TENM2: variants seen among roughly 807,000 people sequenced by gnomAD.
TENM2 encodes the protein teneurin-2.
In TENM2, 52 loss-of-function variants were observed where a neutral mutation model predicts 245.2. That is an observed-to-expected ratio of 0.21 (90% CI 0.17 to 0.27). The LOEUF is 0.27. TENM2 is among the 10% of genes least tolerant of loss of function. The probability of loss-of-function intolerance (pLI) is 1.00; values close to 1 mark genes in which losing one functional copy is unlikely to be tolerated. For synonymous variants in TENM2, 1,363 were observed against 1,438.9 expected (o/e 0.95, Z 1.19); for missense variants, 3,046 against 3,666.8 (o/e 0.83, Z 4.37).
chr5:167,927,094 G>T (rs1426772064), intron 3 of TENM2, among the ~76,000 whole-genome samples: 1 of 151,782 alleles, frequency 6.6e-6, no homozygotes, highest in Non-Finnish European at 1.5e-5. Flanking sequence ...GCCTGCATTT[G>T]TGTGTGTGTG....
the TENM2 span, among the ~76,000 whole-genome samples, chr5:166,982,022 A>C: frequency 2.0e-4 from 31 of 152,244 alleles, no homozygotes; most frequent in African/African-American, 7.2e-4. Context: ...AGCTTCTTTT[A>C]ACTTTTTGTG....
chr5:167,036,237 C>T, the TENM2 span, among the ~76,000 whole-genome samples: 2 of 152,086 alleles, frequency 1.3e-5, no homozygotes, highest in Non-Finnish European at 2.9e-5. Flanking sequence ...TGCCAGGGCC[C>T]TGAGACGGGG....
intron 1 of TENM2, among the ~76,000 whole-genome samples, chr5:167,314,459 C>T (rs191867036): frequency 5.9e-5 from 9 of 152,070 alleles, no homozygotes; most frequent in East Asian, 5.8e-4. Flanking sequence ...AGACTGTCAA[C>T]GGATTTAGCA....
chr5:166,992,760 A>G, the TENM2 span, among the ~76,000 whole-genome samples: 1 of 152,166 alleles, frequency 6.6e-6, no homozygotes, highest in African/African-American at 2.4e-5. Flanking sequence ...GGATTTGGGA[A>G]GAAATTTTGA....
chr5:167,662,921 T>G (rs1274137840), intron 2 of TENM2, among the ~76,000 whole-genome samples: 2 of 152,196 alleles, frequency 1.3e-5, no homozygotes, highest in African/African-American at 2.4e-5. Context: ...AGAAGCCCAT[T>G]TTAGAACAGT....
intron 3 of TENM2, among the ~76,000 whole-genome samples, chr5:167,880,537 G>A (rs1268384142): frequency 8.2e-6 from 1 of 121,274 alleles, no homozygotes; most frequent in Admixed American, 8.4e-5. Flanking sequence ...AATACCCCAT[G>A]AGATAAAAGC....
chr5:167,747,143 A>G (rs531316644), intron 2 of TENM2, among the ~76,000 whole-genome samples: 1 of 152,318 alleles, frequency 6.6e-6, no homozygotes, highest in African/African-American at 2.4e-5. Flanking sequence ...TTAGCTTTGC[A>G]TTAAAACAAA....
rs150482028 is a variant in TENM2 at position 167,389,921 on chromosome 5, C to T, written c.502+14448C>T. Among the ~76,000 whole-genome samples, 295 of 152,160 alleles carry T rather than the reference C, an allele frequency of 1.9e-3. 1 individual carries two copies. The highest frequency in any genetic ancestry group is 6.8e-3 in the African/African-American group (283 of 41,536). Reference sequence around the variant, plus strand: ...CATTGTCTACGTGTATTTTTTATTTCATGATTTGTATTTCTTCTCCATATG... The same window carrying T: ...CATTGTCTACGTGTATTTTTTATTTTATGATTTGTATTTCTTCTCCATATG... On this transcript the variant is annotated intron_variant, in intron 2 of 28. Transcript: ENST00000518659.
intron 2 of TENM2, among the ~76,000 whole-genome samples, chr5:167,790,218 C>T (rs1764853585): frequency 6.6e-6 from 1 of 152,056 alleles, no homozygotes; most frequent in Non-Finnish European, 1.5e-5. Context: ...TGGCAGAATA[C>T]GGTCTGTTTC....
At chr5:167,883,782 A>G (rs1194556886) in intron 3 of TENM2, among the ~76,000 whole-genome samples, 1 of 152,226 alleles carries the variant, frequency 6.6e-6, no homozygotes, top group Non-Finnish European at 1.5e-5. Flanking sequence ...TAAAGAGTAC[A>G]TTCAATTCTA....
intron 2 of TENM2, among the ~76,000 whole-genome samples, chr5:167,492,186 TG>T (rs1768472978): frequency 6.6e-6 from 1 of 152,184 alleles, no homozygotes; most frequent in Non-Finnish European, 1.5e-5. Context: ...AGTAAATGTC[TG>T]TTTTTATAGA....
chr5:168,047,674 A>T, intron 6 of TENM2, 125 bp downstream of exon 8: 2 of 1,191,568 alleles, frequency 1.7e-6, no homozygotes, highest in Non-Finnish European at 2.3e-6. Flanking sequence ...ACGGGGGGAA[A>T]AATCATTGCC....
chr5:167,073,587 C>T, the TENM2 span, among the ~76,000 whole-genome samples: 2 of 152,122 alleles, frequency 1.3e-5, no homozygotes, highest in East Asian at 3.9e-4. Context: ...TACAATTCTT[C>T]AGTCGCATAT....
At chr5:167,230,530 G>A in the TENM2 span, among the ~76,000 whole-genome samples, 3 of 152,078 alleles carry the variant, frequency 2.0e-5, no homozygotes, top group Non-Finnish European at 2.9e-5. Context: ...CCATTTTGAA[G>A]CCCCTCCTCT....
intron 3 of TENM2, among the ~76,000 whole-genome samples, chr5:167,946,872 G>A (rs748000467): frequency 2.6e-5 from 4 of 152,146 alleles, no homozygotes; most frequent in East Asian, 1.9e-4. Context: ...CACAGTACCC[G>A]ACACACAGGG....
chr5:168,250,763 G>A (rs879780743), intron 27 of TENM2, among the ~76,000 whole-genome samples: 16 of 152,080 alleles, frequency 1.1e-4, no homozygotes, highest in African/African-American at 3.4e-4. Context: ...GTGCCTCATC[G>A]AGGCCCTGCC....
chr5:167,919,821 C>G (rs1417122415), intron 3 of TENM2, among the ~76,000 whole-genome samples: 1 of 152,184 alleles, frequency 6.6e-6, no homozygotes, highest in Non-Finnish European at 1.5e-5. Flanking sequence ...GGAGAACACT[C>G]TTAGAGGAAG....
chr5:167,041,630 A>G, the TENM2 span, among the ~76,000 whole-genome samples: 1 of 152,180 alleles, frequency 6.6e-6, no homozygotes, highest in East Asian at 1.9e-4. Context: ...AGGGGACAAA[A>G]TCCATTTTAA....
chr5:167,934,747 G>A (rs1355716371), intron 3 of TENM2: 4 of 462,244 alleles, frequency 8.7e-6, no homozygotes, highest in South Asian at 9.1e-5. Context: ...GAACCTTCCC[G>A]TCTTCCCACA....
Sources: gnomAD v4.1 joint callset for allele counts (sites outside exome capture counted in the v4.1 genomes callset) on GRCh38, gnomAD v4.1.1 for gene constraint, MANE v1.5 for transcripts, NCBI Gene and HGNC (gene_info 2026-07-23, HGNC 2026-07-21) for gene names.